The following PTPRD variants were observed in gnomAD, a reference collection of about 807,000 sequenced individuals.
The protein encoded by PTPRD is protein tyrosine phosphatase receptor type D.
A neutral mutation model predicts 214.5 loss-of-function variants in PTPRD; 34 were observed. The observed-to-expected ratio is 0.16, with a 90% CI of 0.12 to 0.21. The LOEUF (loss-of-function observed/expected upper bound fraction) is 0.21. Ranked by LOEUF, PTPRD falls within the 10% of genes least tolerant of loss-of-function variation. The pLI, the probability that PTPRD is intolerant of heterozygous loss-of-function variation, is 1.00. For synonymous variants in PTPRD, 1,128 were observed against 845.7 expected, an observed-to-expected ratio of 1.33 and a Z score of -5.79; for missense variants, 2,545 against 2,398.7, an observed-to-expected ratio of 1.06 and a Z score of -1.27.
At chr9:8,332,057 G>A (rs1047935364) in intron 43 of PTPRD, among the ~76,000 whole-genome samples, 3 of 152,190 alleles carry the variant, frequency 2.0e-5, no homozygotes, top group South Asian at 4.1e-4. Context: ...GACCCAAAGT[G>A]GGGGTTCGTA....
At chr9:9,697,900 A>G (rs779515781) in intron 7 of PTPRD, among the ~76,000 whole-genome samples, 3 of 152,046 alleles carry the variant, frequency 2.0e-5, no homozygotes, top group Non-Finnish European at 4.4e-5. Context: ...GAGCTCACTG[A>G]TTCTTTCCTC....
At chr9:10,457,342 A>G (rs953378464) in intron 2 of PTPRD, among the ~76,000 whole-genome samples, 1 of 152,044 alleles carries the variant, frequency 6.6e-6, no homozygotes, top group East Asian at 1.9e-4. Flanking sequence ...GGAAGTAACC[A>G]TTATTTGAAC....
chr9:9,491,110 T>G (rs1006585885), intron 8 of PTPRD, among the ~76,000 whole-genome samples: 4 of 151,800 alleles, frequency 2.6e-5, no homozygotes, highest in Non-Finnish European at 4.4e-5. Context: ...GAAAAAAACA[T>G]TTCATGCAAA....
chr9:9,641,520 G>T (rs369468982), intron 7 of PTPRD, among the ~76,000 whole-genome samples: 1 of 152,054 alleles, frequency 6.6e-6, no homozygotes, highest in Non-Finnish European at 1.5e-5. Context: ...AGTGTGTCAG[G>T]CCAGATCTCA....
At chr9:8,420,660 T>G (rs1468287895) in intron 35 of PTPRD, among the ~76,000 whole-genome samples, 1 of 152,140 alleles carries the variant, frequency 6.6e-6, no homozygotes, top group Non-Finnish European at 1.5e-5. Context: ...CATGCAAATA[T>G]TTTTACAATA....
intron 11 of PTPRD, among the ~76,000 whole-genome samples, chr9:8,943,813 G>T (rs2099048018): frequency 6.6e-6 from 1 of 151,236 alleles, no homozygotes; most frequent in Non-Finnish European, 1.5e-5. Flanking sequence ...TAAAAAAAAT[G>T]GAAGAAACTC....
At chr9:9,279,022 T>G (rs1055568328) in intron 9 of PTPRD, among the ~76,000 whole-genome samples, 1 of 151,194 alleles carries the variant, frequency 6.6e-6, no homozygotes, top group Non-Finnish European at 1.5e-5. Flanking sequence ...AACTATATAT[T>G]AATTTATTTA....
At chr9:9,610,597 A>T (rs1413590686) in intron 7 of PTPRD, among the ~76,000 whole-genome samples, 6 of 152,194 alleles carry the variant, frequency 3.9e-5, no homozygotes, top group African/African-American at 1.2e-4. Context: ...TTATTTTACA[A>T]ATATTGTCTA....
chr9:8,559,304 TCC>T (rs1218514331), intron 14 of PTPRD, among the ~76,000 whole-genome samples: 1 of 152,190 alleles, frequency 6.6e-6, no homozygotes, highest in Non-Finnish European at 1.5e-5. Flanking sequence ...GTGATAAATA[TCC>T]CAGTTATCCT....
At chr9:9,955,768 C>A (rs548622370) in intron 4 of PTPRD, among the ~76,000 whole-genome samples, 2 of 152,148 alleles carry the variant, frequency 1.3e-5, no homozygotes, top group Non-Finnish European at 2.9e-5. Flanking sequence ...CGTGATAGCC[C>A]GCCTCGGCCT....
chr9:9,485,454 G>A (rs2095588574), intron 8 of PTPRD, among the ~76,000 whole-genome samples: 1 of 152,086 alleles, frequency 6.6e-6, no homozygotes, highest in African/African-American at 2.4e-5. Flanking sequence ...TGATCACTTT[G>A]CTTAGTGCAT....
At chr9:8,348,850 A>T (rs1366637424) in intron 39 of PTPRD, among the ~76,000 whole-genome samples, 7 of 152,128 alleles carry the variant, frequency 4.6e-5, no homozygotes, top group Non-Finnish European at 8.8e-5. Flanking sequence ...CTTTTGATTT[A>T]TTCCTCCTTG....
intron 5 of PTPRD, among the ~76,000 whole-genome samples, chr9:9,930,915 T>A (rs1329037080): frequency 6.6e-6 from 1 of 152,078 alleles, no homozygotes; most frequent in Non-Finnish European, 1.5e-5. Flanking sequence ...ACGCATTTAC[T>A]AGATAGGAAT....
intron 8 of PTPRD, among the ~76,000 whole-genome samples, chr9:9,479,731 A>AAAAACAAAACAAAACAAAACAAAAC (rs60632035): frequency 6.7e-6 from 1 of 150,004 alleles, no homozygotes; most frequent in Non-Finnish European, 1.5e-5. Context: ...CAGCAAAAAC[A>AAAAACAAAACAAAACAAAACAAAAC]AAAACAAAAC....
In PTPRD at chr9:9,106,612, C is replaced by CAAAA. The variant is rs5896301; in HGVS notation, c.-143+76688_-143+76691dup. 2.0e-3 allele frequency among the ~76,000 whole-genome samples: 146 copies of CAAAA among 71,616 alleles called. 5 individuals are homozygous for CAAAA. Among genetic ancestry groups the CAAAA allele is most frequent in the African/African-American group, 7.1e-3 (132 of 18,718 alleles). The allele number at this position is 71,616 out of a possible 152,430, so 47.0% of individuals were successfully genotyped here. The stretch of plus-strand genomic sequence containing the variant: ...TTGCTGTTAACCTATATTCCATAGG[C>CAAAA]AAAAAAAAAAAAAAAAAAAAAAAGG... On this transcript the variant is annotated intron_variant, in intron 10 of 45. Transcript: ENST00000381196.
chr9:10,244,898 A>G (rs1397693152), intron 3 of PTPRD, among the ~76,000 whole-genome samples: 1 of 152,134 alleles, frequency 6.6e-6, no homozygotes, highest in Admixed American at 6.6e-5. Flanking sequence ...GACTCCAGAC[A>G]TGAGTCTACT....
intron 2 of PTPRD, among the ~76,000 whole-genome samples, chr9:10,535,051 G>A (rs981269928): frequency 6.6e-6 from 1 of 152,148 alleles, no homozygotes; most frequent in Non-Finnish European, 1.5e-5. Flanking sequence ...GTTTACAGCT[G>A]GGGGATGGCA....
chr9:10,408,755 T>A (rs1234784548), intron 2 of PTPRD, among the ~76,000 whole-genome samples: 2 of 151,718 alleles, frequency 1.3e-5, no homozygotes, highest in Non-Finnish European at 2.9e-5. Flanking sequence ...TTGGGCAGTG[T>A]GTTTAGTCTT....
At chr9:9,662,573 C>T (rs949115190) in intron 7 of PTPRD, among the ~76,000 whole-genome samples, 1 of 151,536 alleles carries the variant, frequency 6.6e-6, no homozygotes. Flanking sequence ...GTTAAGAAAT[C>T]TGAATAGTAT....
Sources: allele counts gnomAD v4.1 joint callset (sites outside exome capture counted in the v4.1 genomes callset), GRCh38; gene constraint gnomAD v4.1.1; transcripts MANE v1.5; gene names NCBI Gene and HGNC (gene_info 2026-07-23, HGNC 2026-07-21).